HTR1E: variants seen among roughly 807,000 people sequenced by gnomAD.
HTR1E encodes 5-HT-1E.
Under a neutral mutation model 3.4 loss-of-function variants are expected in HTR1E, and 3 were observed. The ratio of observed to expected loss-of-function variants is 0.89; its 90% CI spans 0.41 to 2.31. The LOEUF (loss-of-function observed/expected upper bound fraction) is 2.31. HTR1E is among the 30% of genes most tolerant of loss of function. The pLI is 0.05. For synonymous variants in HTR1E, 170 were observed against 182.8 expected, an observed-to-expected ratio of 0.93 and a Z score of 0.56; for missense variants, 392 against 467.0, an observed-to-expected ratio of 0.84 and a Z score of 1.48.
At chr6:87,013,737 C>T (rs1343212792) in intron 1 of HTR1E, among the ~76,000 whole-genome samples, 1 of 151,606 alleles carries the variant, frequency 6.6e-6, no homozygotes, top group East Asian at 1.9e-4. Flanking sequence ...ATTGGGGTGG[C>T]AAAGTACATT....
intron 1 of HTR1E, among the ~76,000 whole-genome samples, chr6:86,947,160 T>C (rs545771915): frequency 3.3e-5 from 5 of 152,316 alleles, no homozygotes; most frequent in South Asian, 2.1e-4. Flanking sequence ...TCTAGTGGAA[T>C]TGTACAATGC....
In HTR1E at chr6:86,944,942, A is replaced by G. The variant is rs948642008; in HGVS notation, c.-186+7119A>G. ...TTATGTATAGTATATAATACTTGAT[A>G]ATAAACAACTGTTACTGGTTTATAC... On this transcript the variant is annotated intron_variant, in intron 1 of 1. Transcript: ENST00000305344. 9.9e-4 allele frequency among the ~76,000 whole-genome samples: 151 copies of G among 152,312 alleles called. 1 individual carries two copies. The highest frequency in any genetic ancestry group is 3.5e-3 in the African/African-American group (146 of 41,576).
chr6:86,998,657 A>G (rs1246358522), intron 1 of HTR1E, among the ~76,000 whole-genome samples: 1 of 152,178 alleles, frequency 6.6e-6, no homozygotes, highest in Non-Finnish European at 1.5e-5. Flanking sequence ...TTTTACATTA[A>G]GAGACCAGGA....
chr6:86,961,828 G>A (rs1767412312), intron 1 of HTR1E, among the ~76,000 whole-genome samples: 1 of 152,208 alleles, frequency 6.6e-6, no homozygotes, highest in Non-Finnish European at 1.5e-5. Flanking sequence ...AGAAATGAGT[G>A]GCGAGTGAAG....
chr6:86,994,285 C>G (rs1297612814), intron 1 of HTR1E, among the ~76,000 whole-genome samples: 1 of 151,962 alleles, frequency 6.6e-6, no homozygotes, highest in Non-Finnish European at 1.5e-5. Flanking sequence ...AAGAGTTGAG[C>G]AAACCACAAA....
intron 1 of HTR1E, among the ~76,000 whole-genome samples, chr6:86,963,246 TA>T: frequency 6.6e-6 from 1 of 152,242 alleles, no homozygotes; most frequent in Admixed American, 6.5e-5. Flanking sequence ...AAAAAGCTTA[TA>T]AAATAAGGAT....
At chr6:87,008,690 T>C (rs1251971919) in intron 1 of HTR1E, among the ~76,000 whole-genome samples, 1 of 152,204 alleles carries the variant, frequency 6.6e-6, no homozygotes, top group Admixed American at 6.5e-5. Flanking sequence ...TTTTAGAGTA[T>C]AAAATGCAGC....
chr6:86,947,567 G>A (rs537344520), intron 1 of HTR1E, among the ~76,000 whole-genome samples: 1 of 152,052 alleles, frequency 6.6e-6, no homozygotes, highest in Admixed American at 6.5e-5. Context: ...ACCACCAAGA[G>A]GCAGCCACTA....
At chr6:86,947,830 A>T (rs975122548) in intron 1 of HTR1E, among the ~76,000 whole-genome samples, 3 of 152,198 alleles carry the variant, frequency 2.0e-5, no homozygotes, top group East Asian at 1.9e-4. Context: ...CAGATTTTTT[A>T]AATCAATTCC....
intron 1 of HTR1E, among the ~76,000 whole-genome samples, chr6:87,006,062 C>G (rs181728754): frequency 6.6e-6 from 1 of 152,184 alleles, no homozygotes; most frequent in Admixed American, 6.5e-5. Flanking sequence ...TGGCATTTAT[C>G]CAAAAGATAG....
At chr6:86,966,830 T>C (rs1206850905) in intron 1 of HTR1E, among the ~76,000 whole-genome samples, 4 of 152,214 alleles carry the variant, frequency 2.6e-5, no homozygotes, top group Admixed American at 2.0e-4. Context: ...ACACCAGGGC[T>C]TCTGAAACTC....
At chr6:86,967,909 G>T (rs558303373) in intron 1 of HTR1E, among the ~76,000 whole-genome samples, 1 of 152,218 alleles carries the variant, frequency 6.6e-6, no homozygotes, top group South Asian at 2.1e-4. Flanking sequence ...AAGGAGAGGG[G>T]AGAGTTTTTT....
intron 1 of HTR1E, 38 bp from the exon 2 acceptor site, chr6:87,015,112 C>G (rs1469847316): frequency 1.6e-5 from 6 of 365,014 alleles, no homozygotes; most frequent in Non-Finnish European, 2.9e-5. Context: ...AAAAGTGTGG[C>G]TTTCTCATTC....
At chr6:86,979,292 C>A (rs1037080138) in intron 1 of HTR1E, among the ~76,000 whole-genome samples, 2 of 152,088 alleles carry the variant, frequency 1.3e-5, no homozygotes, top group Non-Finnish European at 2.9e-5. Flanking sequence ...ATAGGAGAAA[C>A]CATAATCATA....
At chr6:87,006,174 T>C (rs1768104114) in intron 1 of HTR1E, among the ~76,000 whole-genome samples, 2 of 151,962 alleles carry the variant, frequency 1.3e-5, no homozygotes, top group African/African-American at 2.4e-5. Context: ...AGTTTGGAGG[T>C]TCCTCAGAAA....
rs977064179 is a variant in HTR1E, at chr6:86,967,681, T to C, written c.-186+29858T>C. 2.0e-5 allele frequency among the ~76,000 whole-genome samples: 3 copies of C among 152,170 alleles called. No individual in the cohort carries two copies. In the South Asian group the frequency reaches 6.2e-4, roughly 32 times the overall value. On this transcript the variant is annotated intron_variant, in intron 1 of 1. Coordinates refer to ENST00000305344, the MANE Select transcript of HTR1E (RefSeq NM_000865.3). ...CTACTCCAACATTTCCATGTCAAAT[T>C]TCCACTTGTCAAATTAACAAAATTC...
At chr6:87,007,347 A>T (rs1768128368) in intron 1 of HTR1E, among the ~76,000 whole-genome samples, 1 of 152,164 alleles carries the variant, frequency 6.6e-6, no homozygotes, top group Non-Finnish European at 1.5e-5. Context: ...CAGGGGGTGG[A>T]GAGAATGGGG....
intron 1 of HTR1E, among the ~76,000 whole-genome samples, chr6:86,959,411 T>C (rs1767374239): frequency 6.6e-6 from 1 of 151,930 alleles, no homozygotes; most frequent in Non-Finnish European, 1.5e-5. Context: ...AAACCCTGTC[T>C]CTACAAAAAA....
intron 1 of HTR1E, among the ~76,000 whole-genome samples, chr6:86,945,721 GTTTTGT>G (rs545810614): frequency 5.1e-4 from 78 of 151,888 alleles, no homozygotes; most frequent in East Asian, 9.7e-4. Context: ...GGGGTTTTTT[GTTTTGT>G]TTTTGTTTTT....
Sources: gnomAD v4.1 joint callset for allele counts (sites outside exome capture counted in the v4.1 genomes callset) on GRCh38, gnomAD v4.1.1 for gene constraint, MANE v1.5 for transcripts, NCBI Gene and HGNC (gene_info 2026-07-23, HGNC 2026-07-21) for gene names.